The following HSD17B14 variants were observed in gnomAD, a reference collection of about 807,000 sequenced individuals.
HSD17B14 encodes the protein hydroxysteroid 17-beta dehydrogenase 14.
HSD17B14 carries 32 observed loss-of-function variants against 32.2 expected under a neutral mutation model. The ratio of observed to expected loss-of-function variants is 0.99; its 90% CI spans 0.75 to 1.33. The LOEUF is 1.33. Ranked by LOEUF, HSD17B14 falls within the 40% of genes most tolerant of loss-of-function variation. The probability of loss-of-function intolerance (pLI) is 0.00; values close to 1 mark genes in which losing one functional copy is unlikely to be tolerated. For synonymous variants in HSD17B14, 140 were observed against 155.4 expected (o/e 0.90, Z 0.74); for missense variants, 370 against 366.5 (o/e 1.01, Z -0.08).
Position 48,813,567 on chromosome 19 carries a change from AG to A in HSD17B14, c.543-16del. 1.2e-6 allele frequency: 2 copies of A among 1,613,362 alleles called. No individual in the cohort carries two copies. Among genetic ancestry groups the A allele is most frequent in the Non-Finnish European group, 1.7e-6 (2 of 1,179,454 alleles). On this transcript the variant is annotated splice_polypyrimidine_tract_variant and intron_variant, in intron 7 of 8. Transcript: ENST00000263278. ...CTGGGGAGATACTAGAGGAAGGGAGAGGGGGGATCAAAGCAATCTGTCTCGA... is the reference window on the plus strand; with the variant it reads ...CTGGGGAGATACTAGAGGAAGGGAGAGGGGGATCAAAGCAATCTGTCTCGA...
intron 5 of HSD17B14, among the ~76,000 whole-genome samples, chr19:48,815,645 G>A (rs1021291113): frequency 1.3e-5 from 2 of 151,990 alleles, no homozygotes; most frequent in Non-Finnish European, 2.9e-5. Context: ...CAAAGTGTTG[G>A]GATTACAGGC....
chr19:48,827,385 G>A (rs553941359), intron 5 of HSD17B14, among the ~76,000 whole-genome samples: 10 of 152,100 alleles, frequency 6.6e-5, no homozygotes, highest in South Asian at 2.1e-4. Context: ...AGCTGTATGC[G>A]CAGGGCTCCG....
chr19:48,815,034 T>A lies in HSD17B14; in HGVS notation c.474+3A>T. ...GGGAAGGAAGGGGTAGGGGCTGCCA[T>A]ACCTTGGTGGCCACATAGGGAACTG... On this transcript the variant is annotated splice_donor_region_variant and intron_variant, in intron 6 of 8. Transcript: ENST00000263278. 1 of 1,606,934 alleles carries A rather than the reference T, an allele frequency of 6.2e-7. No individual in the cohort carries two copies. The highest frequency in any genetic ancestry group is 8.5e-7 in the Non-Finnish European group (1 of 1,175,050).
At chr19:48,820,900 C>T (rs1002269915) in intron 5 of HSD17B14, among the ~76,000 whole-genome samples, 3 of 151,998 alleles carry the variant, frequency 2.0e-5, no homozygotes, top group African/African-American at 7.2e-5. Context: ...GACAGGTTTT[C>T]ACCATATTGG....
chr19:48,823,699 C>T (rs1458425098), intron 5 of HSD17B14, among the ~76,000 whole-genome samples: 1 of 149,086 alleles, frequency 6.7e-6, no homozygotes, highest in Non-Finnish European at 1.5e-5. Flanking sequence ...TACAGTGGTG[C>T]AATTTCAGCC....
chr19:48,824,324 G>A (rs532152129), intron 5 of HSD17B14, among the ~76,000 whole-genome samples: 7 of 132,418 alleles, frequency 5.3e-5, no homozygotes, highest in Non-Finnish European at 9.7e-5. Context: ...GCTACTCGGC[G>A]GGCTGAGAGG....
Position 48,813,153 on chromosome 19 carries a change from C to A in HSD17B14, c.*22G>T, listed in dbSNP as rs2034988379. The A allele has an allele frequency of 1.3e-6, 2 of 1,554,890 alleles. No individual in the cohort carries two copies. On this transcript the variant is annotated 3_prime_UTR_variant, in exon 9 of 9. Coordinates refer to ENST00000263278, the MANE Select transcript of HSD17B14 (RefSeq NM_016246.3). ...GGGTGGGAGAGTCCTAGGAAGGGGG[C>A]CCCAAGTAGAAATGAGAGAAATCAG...
intron 5 of HSD17B14, among the ~76,000 whole-genome samples, chr19:48,815,907 G>C (rs1051783557): frequency 2.6e-5 from 4 of 151,498 alleles, no homozygotes; most frequent in Middle Eastern, 3.4e-3. Flanking sequence ...TGTAATCTCA[G>C]CTACTTGGGA....
At chr19:48,823,364 C>T (rs1012637252) in intron 5 of HSD17B14, among the ~76,000 whole-genome samples, 7 of 151,970 alleles carry the variant, frequency 4.6e-5, no homozygotes, top group Non-Finnish European at 7.4e-5. Context: ...GAGCCATGAT[C>T]ATTTCACTGC....
rs1444543332 is a variant in HSD17B14, at chr19:48,835,927, G to T, written c.89-84C>A. 6 of 1,245,764 alleles carry T rather than the reference G, an allele frequency of 4.8e-6. No individual in the cohort carries two copies. The African/African-American group carries it at 9.0e-5, about 19-fold the overall frequency. 77.2% of individuals were successfully genotyped at this position (1,245,764 alleles called of 1,614,324 possible). A position where few individuals can be genotyped will look rare whatever the true frequency, so the allele number is the denominator to read the frequency against. ...TCTTGTGGCCACCTGGATTGGGGCT[G>T]ATCTCCCTCTCCCCTCGTGACCCCA... On this transcript the variant is annotated intron_variant, in intron 1 of 8. Coordinates refer to ENST00000263278, the MANE Select transcript of HSD17B14 (RefSeq NM_016246.3).
intron 5 of HSD17B14, among the ~76,000 whole-genome samples, chr19:48,827,394 C>T (rs933551606): frequency 6.6e-6 from 1 of 151,872 alleles, no homozygotes; most frequent in East Asian, 1.9e-4. Context: ...CGCAGGGCTC[C>T]GCATGTTGCT....
At chr19:48,822,748 T>C (rs547298537) in intron 5 of HSD17B14, among the ~76,000 whole-genome samples, 1 of 151,952 alleles carries the variant, frequency 6.6e-6, no homozygotes, top group Admixed American at 6.6e-5. Flanking sequence ...ATGGTGATGA[T>C]TGTGGTAATG....
chr19:48,819,285 A>G (rs568529560), intron 5 of HSD17B14, among the ~76,000 whole-genome samples: 2 of 152,098 alleles, frequency 1.3e-5, no homozygotes, highest in African/African-American at 4.8e-5. Context: ...CACCATGCCC[A>G]GCTCAAATGC....
Position 48,815,116 on chromosome 19 carries a change from C to A in HSD17B14, c.395G>T (p.Ser132Ile). ...GGAGATGTTGATGACATTCCCTTGA[C>A]TCTTCCGCAGGTAGGGGAGGGCGAG... Reference protein sequence around the residue: ...TKLALPYLRKSQGNVINISSL... With the variant: ...TKLALPYLRKIQGNVINISSL... Residue 132 changes from serine (S) to isoleucine (I), a missense_variant, in exon 6 of 9, where the codon AGT (serine) becomes ATT (isoleucine). Coordinates refer to ENST00000263278, the MANE Select transcript of HSD17B14 (RefSeq NM_016246.3). 1 of 1,613,990 alleles carries A rather than the reference C, an allele frequency of 6.2e-7. No individual in the cohort carries two copies. Among genetic ancestry groups the A allele is most frequent in the African/African-American group, 1.3e-5 (1 of 75,034 alleles).
chr19:48,834,514 A>C (rs113296700), intron 2 of HSD17B14, among the ~76,000 whole-genome samples, 156 bp from the exon 3 acceptor site: 3 of 52,988 alleles, frequency 5.7e-5, no homozygotes, highest in East Asian at 5.2e-4. Flanking sequence ...GGGTCTGAGG[A>C]AGTAGGGCCT....
intron 5 of HSD17B14, among the ~76,000 whole-genome samples, chr19:48,819,127 T>C (rs985553279): frequency 3.3e-5 from 5 of 152,184 alleles, no homozygotes; most frequent in Admixed American, 3.3e-4. Flanking sequence ...TAGCTGGGAT[T>C]ACGGGCGCCT....
At chr19:48,835,172 C>T (rs1396300673) in intron 2 of HSD17B14, among the ~76,000 whole-genome samples, 21 of 1,500 alleles carry the variant, frequency 0.014, no homozygotes, top group East Asian at 0.019. Flanking sequence ...CTCCTGGGTC[C>T]GAGGAAGTAG....
At chr19:48,816,990 C>G (rs546370873) in intron 5 of HSD17B14, among the ~76,000 whole-genome samples, 2 of 148,344 alleles carry the variant, frequency 1.3e-5, no homozygotes, top group South Asian at 2.1e-4. Context: ...CATGTGCCCC[C>G]ACACCAGGAT....
chr19:48,820,030 G>A (rs568568985), intron 5 of HSD17B14, among the ~76,000 whole-genome samples: 6 of 152,274 alleles, frequency 3.9e-5, no homozygotes, highest in South Asian at 4.1e-4. Flanking sequence ...AGTGGTGTGC[G>A]TTTATGGTCC....
Sources: gnomAD v4.1 joint callset for allele counts (sites outside exome capture counted in the v4.1 genomes callset) on GRCh38, gnomAD v4.1.1 for gene constraint, MANE v1.5 for transcripts, NCBI Gene and HGNC (gene_info 2026-07-23, HGNC 2026-07-21) for gene names.